Variants in NTM observed in about 807,000 individuals in gnomAD.
The protein encoded by NTM is neurotrimin.
Under a neutral mutation model 42.1 loss-of-function variants are expected in NTM, and 13 were observed. The ratio of observed to expected loss-of-function variants is 0.31; its 90% CI spans 0.20 to 0.49. The LOEUF (loss-of-function observed/expected upper bound fraction) is 0.49, where lower values mean the gene tolerates loss of function less well. Ranked by LOEUF, NTM falls within the 20% of genes least tolerant of loss-of-function variation. The pLI, the probability that NTM is intolerant of heterozygous loss-of-function variation, is 0.99. For missense variants in NTM, 373 were observed against 452.8 expected, an observed-to-expected ratio of 0.82 and a Z score of 1.60; for synonymous variants, 187 against 179.2, an observed-to-expected ratio of 1.04 and a Z score of -0.35.
chr11:131,799,409 C>T (rs2091915112), intron 1 of NTM, among the ~76,000 whole-genome samples: 1 of 152,114 alleles, frequency 6.6e-6, no homozygotes, highest in South Asian at 2.1e-4. Flanking sequence ...AGGCATATTG[C>T]AGGTGTACAA....
chr11:131,528,377 TGTTTA>T (rs2050789592), intron 1 of NTM, among the ~76,000 whole-genome samples: 6 of 152,342 alleles, frequency 3.9e-5, no homozygotes, highest in African/African-American at 1.4e-4. Flanking sequence ...GCCCTTTACA[TGTTTA>T]GTTCCCTTAA....
chr11:132,126,770 C>A (rs1033028201), intron 2 of NTM, among the ~76,000 whole-genome samples: 1 of 152,136 alleles, frequency 6.6e-6, no homozygotes, highest in Non-Finnish European at 1.5e-5. Flanking sequence ...CCAGAACGTG[C>A]CTTTTTCCGA....
At chr11:132,318,239 G>A (rs1049851512) in intron 7 of NTM, among the ~76,000 whole-genome samples, 1 of 152,154 alleles carries the variant, frequency 6.6e-6, no homozygotes, top group Non-Finnish European at 1.5e-5. Flanking sequence ...GTAGCTCTTT[G>A]GTCTTGGGTG....
At chr11:131,715,064 A>G (rs2077547503) in intron 1 of NTM, among the ~76,000 whole-genome samples, 1 of 152,182 alleles carries the variant, frequency 6.6e-6, no homozygotes, top group South Asian at 2.1e-4. Context: ...AGTCACCATA[A>G]CAAACACTAG....
chr11:131,940,595 T>C (rs2059692050), intron 2 of NTM, among the ~76,000 whole-genome samples: 1 of 152,246 alleles, frequency 6.6e-6, no homozygotes, highest in Non-Finnish European at 1.5e-5. Flanking sequence ...ACTCTTACCT[T>C]ACAAATGATT....
At chr11:132,334,926 T>G (rs2095859450) in intron 8 of NTM, 120 bp from the exon 9 acceptor site, 2 of 1,482,596 alleles carry the variant, frequency 1.3e-6, no homozygotes, top group Non-Finnish European at 1.8e-6. Flanking sequence ...GAACACCATG[T>G]GTTTCACTTA....
At chr11:132,246,055 A>G (rs1036125119) in intron 4 of NTM, among the ~76,000 whole-genome samples, 12 of 152,180 alleles carry the variant, frequency 7.9e-5, no homozygotes, top group Admixed American at 3.9e-4. Context: ...AAATAGGAAG[A>G]CTGAGTAGAG....
Position 131,789,884 on chromosome 11 carries a change from A to G in NTM, c.83-121680A>G, listed in dbSNP as rs539471275. ...GGCAGGAGAATGGCGTGAACCCGGG[A>G]GGCGGAGCTTGCAGTGAGCCGAGAT... On this transcript the variant is annotated intron_variant, in intron 1 of 8. Coordinates refer to ENST00000683400, the MANE Select transcript of NTM (RefSeq NM_001352005.2). Among the ~76,000 whole-genome samples, 17 of 129,806 alleles carry G rather than the reference A, an allele frequency of 1.3e-4. No homozygotes were observed. In the South Asian group the frequency reaches 3.9e-3, roughly 30 times the overall value. 85.2% of individuals were successfully genotyped at this position (129,806 alleles called of 152,430 possible).
chr11:131,887,908 A>C (rs964937384), intron 1 of NTM, among the ~76,000 whole-genome samples: 4 of 152,170 alleles, frequency 2.6e-5, no homozygotes, highest in Non-Finnish European at 4.4e-5. Flanking sequence ...AGATGAGAAA[A>C]CCAAGGCAAG....
intron 1 of NTM, among the ~76,000 whole-genome samples, chr11:131,390,614 G>C (rs775628637): frequency 6.6e-6 from 1 of 152,126 alleles, no homozygotes; most frequent in Admixed American, 6.5e-5. Context: ...GCTCCAACTC[G>C]ATGGGCTAGA....
chr11:132,005,126 G>C (rs1370395120), intron 2 of NTM, among the ~76,000 whole-genome samples: 1 of 152,126 alleles, frequency 6.6e-6, no homozygotes, highest in African/African-American at 2.4e-5. Context: ...CTGGTCATTA[G>C]ATTAAGCCTA....
At chr11:131,486,458 C>A (rs1434458981) in intron 1 of NTM, among the ~76,000 whole-genome samples, 1 of 152,194 alleles carries the variant, frequency 6.6e-6, no homozygotes, top group Non-Finnish European at 1.5e-5. Context: ...CCTTTCCCAG[C>A]AGTGAGGATG....
At position 132,335,083 on chromosome 11, in the gene NTM, G is replaced by A. The variant is rs755710882; in HGVS notation, c.1005G>A (p.Ser335=). Residue 335 remains serine (S), a synonymous_variant, in exon 9 of 9, where the codon TCG becomes TCA. Coordinates refer to ENST00000683400, the MANE Select transcript of NTM (RefSeq NM_001352005.2). ...GAVSEVSNGT[S]RRAGCVWLLP... ...TCAGCGAGGTGAGCAACGGCACGTCGAGGAGGGCAGGCTGCGTCTGGCTGC... is the reference window on the plus strand; with the variant it reads ...TCAGCGAGGTGAGCAACGGCACGTCAAGGAGGGCAGGCTGCGTCTGGCTGC... The A allele has an allele frequency of 1.7e-5, 27 of 1,612,450 alleles. No homozygotes were observed. Among genetic ancestry groups the A allele is most frequent in the South Asian group, 4.4e-5 (4 of 91,034 alleles).
intron 1 of NTM, among the ~76,000 whole-genome samples, chr11:131,512,817 A>G (rs2048425028): frequency 6.6e-6 from 1 of 152,152 alleles, no homozygotes; most frequent in East Asian, 1.9e-4. Flanking sequence ...AGACCCCCAG[A>G]CACCTGTGTG....
chr11:131,974,301 G>A (rs191441921), intron 2 of NTM, among the ~76,000 whole-genome samples: 79 of 152,248 alleles, frequency 5.2e-4, no homozygotes, highest in African/African-American at 1.7e-3. Context: ...ATGAATGAAT[G>A]AATGAATTGT....
chr11:132,292,524 G>T (rs572486200), intron 4 of NTM, among the ~76,000 whole-genome samples: 8 of 152,194 alleles, frequency 5.3e-5, no homozygotes, highest in African/African-American at 1.9e-4. Flanking sequence ...GGGGAAAAAT[G>T]AACCTTGAGA....
intron 1 of NTM, among the ~76,000 whole-genome samples, chr11:131,506,719 G>A (rs901183944): frequency 6.6e-6 from 1 of 152,206 alleles, no homozygotes; most frequent in African/African-American, 2.4e-5. Flanking sequence ...GAGGCAGTAG[G>A]CCCCTGGGAA....
intron 1 of NTM, among the ~76,000 whole-genome samples, chr11:131,822,967 T>TC (rs2093254356): frequency 6.6e-6 from 1 of 152,144 alleles, no homozygotes; most frequent in Non-Finnish European, 1.5e-5. Flanking sequence ...CTTCCTTCCT[T>TC]CTGTCTCCCT....
At chr11:131,961,531 C>G (rs1421377544) in intron 2 of NTM, among the ~76,000 whole-genome samples, 1 of 152,116 alleles carries the variant, frequency 6.6e-6, no homozygotes, top group Non-Finnish European at 1.5e-5. Context: ...TCTGGAAAGC[C>G]TAGCACATGA....
Sources: gnomAD v4.1 joint callset for allele counts (sites outside exome capture counted in the v4.1 genomes callset) on GRCh38, gnomAD v4.1.1 for gene constraint, MANE v1.5 for transcripts, NCBI Gene and HGNC (gene_info 2026-07-23, HGNC 2026-07-21) for gene names.